The following AAK1 variants were observed in gnomAD, a reference collection of about 807,000 sequenced individuals.
AAK1 encodes the protein AP2-associated protein kinase 1.
AAK1 carries 37 observed loss-of-function variants against 116.0 expected under a neutral mutation model. The ratio of observed to expected loss-of-function variants is 0.32; its 90% confidence interval spans 0.25 to 0.42. AAK1 has a LOEUF of 0.42. Ranked by LOEUF, AAK1 falls within the 10% of genes least tolerant of loss-of-function variation. AAK1 has a pLI of 1.00. For missense variants in AAK1, 919 were observed against 1,170.6 expected, an observed-to-expected ratio of 0.79 and a Z score of 3.14; for synonymous variants, 458 against 439.9, an observed-to-expected ratio of 1.04 and a Z score of -0.51.
intron 2 of AAK1, among the ~76,000 whole-genome samples, chr2:69,627,984 T>G (rs1053826454): frequency 1.3e-5 from 2 of 152,252 alleles, no homozygotes; most frequent in Non-Finnish European, 2.9e-5. Flanking sequence ...CCAATCTAGC[T>G]TTCTGTCATC....
At chr2:69,626,995 A>C (rs1225512648) in intron 2 of AAK1, among the ~76,000 whole-genome samples, 1 of 151,746 alleles carries the variant, frequency 6.6e-6, no homozygotes, top group Non-Finnish European at 1.5e-5. Flanking sequence ...GTCAGACAAG[A>C]TTCTCATGGA....
At chr2:69,527,112 A>G in intron 9 of AAK1, 104 bp downstream of exon 9, 2 of 810,514 alleles carry the variant, frequency 2.5e-6, no homozygotes, top group South Asian at 1.6e-5. Flanking sequence ...CAGTAGATAA[A>G]GCAAGGGACA....
At chr2:69,547,545 T>TA (rs1207116252) in intron 3 of AAK1, among the ~76,000 whole-genome samples, 4 of 151,856 alleles carry the variant, frequency 2.6e-5, no homozygotes, top group East Asian at 1.9e-4. Flanking sequence ...GAAATATAAA[T>TA]AAAAAATCAC....
At chr2:69,559,300 T>A (rs9789500) in intron 2 of AAK1, among the ~76,000 whole-genome samples, 7,067 of 73,584 alleles carry the variant, frequency 0.096, 511 homozygotes, top group East Asian at 0.46. Context: ...ACACACACAC[T>A]CTCTCTCTCC....
At chr2:69,616,817 G>A (rs531518124) in intron 2 of AAK1, among the ~76,000 whole-genome samples, 56 of 152,288 alleles carry the variant, frequency 3.7e-4, no homozygotes, top group African/African-American at 1.3e-3. Context: ...ATACCTACCA[G>A]TGTGACTCAT....
Position 69,470,402 on chromosome 2 carries a change from C to T in AAK1, c.*5467G>A. The T allele has an allele frequency of 1.0e-6, 1 of 985,376 alleles. No homozygotes were observed. The highest frequency in any genetic ancestry group is 6.1e-5 in the Admixed American group (1 of 16,284). The allele number at this position is 985,376 out of a possible 1,614,324, so 61.0% of individuals were successfully genotyped here. Reference sequence around the variant, plus strand: ...ACATCAAACTAATAATTACCATGACCTTCTAGCTCACATAACAAAATTAAG... The same window carrying T: ...ACATCAAACTAATAATTACCATGACTTTCTAGCTCACATAACAAAATTAAG... On this transcript the variant is annotated 3_prime_UTR_variant, in exon 22 of 22. Coordinates refer to ENST00000409085, the MANE Select transcript of AAK1 (RefSeq NM_014911.5).
In AAK1 at chr2:69,472,737, G is replaced by A; in HGVS notation, c.*3132C>T. 1.0e-6 allele frequency: 1 copy of A among 985,354 alleles called. No individual in the cohort carries two copies. The highest frequency in any genetic ancestry group is 1.7e-5 in the African/African-American group (1 of 57,318). The allele number at this position is 985,354 out of a possible 1,614,324, so 61.0% of individuals were successfully genotyped here. ...GAATAAAAGCAAATCAGAAACATAT[G>A]CTTATAGTATTTGCCCGTTTTAAAC... On this transcript the variant is annotated 3_prime_UTR_variant, in exon 22 of 22. Transcript: ENST00000409085.
At chr2:69,601,446 G>A (rs1282786865) in intron 2 of AAK1, among the ~76,000 whole-genome samples, 1 of 152,178 alleles carries the variant, frequency 6.6e-6, no homozygotes, top group Non-Finnish European at 1.5e-5. Context: ...GCATCTTAGA[G>A]GCAAAGACAA....
At position 69,480,948 on chromosome 2, in the gene AAK1, A is replaced by C; in HGVS notation, c.2481T>G (p.Val827=). Residue 827 remains valine, a synonymous_variant, in exon 19 of 22, where the codon GTT becomes GTG. Transcript: ENST00000409085. ...TSDAVIEKAD[V]AVESLIPGLE... is the part of the protein sequence containing the mutation. ...GTCCTGGTATGAGACTCTCAACAGC[A>C]ACATCAGCTTTTTCTTTCGTAACAG... The C allele has an allele frequency of 1.2e-6, 2 of 1,604,536 alleles. No homozygotes were observed. The highest frequency in any genetic ancestry group is 2.3e-5 in the South Asian group (2 of 88,304).
At chr2:69,524,019 T>A (rs10198452) in intron 10 of AAK1, among the ~76,000 whole-genome samples, 21,007 of 152,184 alleles carry the variant, frequency 0.14, 2,081 homozygotes, top group African/African-American at 0.27. Flanking sequence ...CCAAATAACA[T>A]CTTCGTTTAA....
At chr2:69,627,054 G>A (rs779481722) in intron 2 of AAK1, among the ~76,000 whole-genome samples, 207 of 152,110 alleles carry the variant, frequency 1.4e-3, no homozygotes, top group Non-Finnish European at 2.1e-3. Context: ...TTGGGAGGCC[G>A]AGGCGGGTGG....
At chr2:69,623,167 A>G (rs1674737498) in intron 2 of AAK1, among the ~76,000 whole-genome samples, 2 of 152,192 alleles carry the variant, frequency 1.3e-5, no homozygotes. Flanking sequence ...TGAGCTAGCG[A>G]GACCACGAAC....
At chr2:69,551,900 G>C (rs1191157424) in intron 3 of AAK1, among the ~76,000 whole-genome samples, 1 of 152,232 alleles carries the variant, frequency 6.6e-6, no homozygotes, top group Non-Finnish European at 1.5e-5. Flanking sequence ...ACCGCTAACA[G>C]TTCTCTTTGC....
Position 69,460,382 on chromosome 2 carries a change from G to A in AAK1, c.*15487C>T, listed in dbSNP as rs1247984039. 1 of 152,382 alleles carries A rather than the reference G, an allele frequency of 6.6e-6. No homozygotes were observed. Among genetic ancestry groups the A allele is most frequent in the African/African-American group, 2.4e-5 (1 of 41,358 alleles). 9.4% of individuals were successfully genotyped at this position (152,382 alleles called of 1,614,324 possible). On this transcript the variant is annotated 3_prime_UTR_variant, in exon 22 of 22. Coordinates refer to ENST00000409085, the MANE Select transcript of AAK1 (RefSeq NM_014911.5). ...TATGTTTTGATTATTTTTCTTTATG[G>A]AAGCAAATACAGAATTTCCTTGTCA...
chr2:69,607,223 T>G (rs1673847608), intron 2 of AAK1, among the ~76,000 whole-genome samples: 2 of 150,622 alleles, frequency 1.3e-5, no homozygotes, highest in South Asian at 2.1e-4. Flanking sequence ...GTGAAGGAGG[T>G]GAGTGGGCAG....
At chr2:69,485,642 A>T (rs1442662987) in intron 17 of AAK1, among the ~76,000 whole-genome samples, 1 of 151,872 alleles carries the variant, frequency 6.6e-6, no homozygotes, top group African/African-American at 2.4e-5. Context: ...AAAGAACAGG[A>T]ATTGAAGAAA....
intron 2 of AAK1, among the ~76,000 whole-genome samples, chr2:69,601,888 G>T (rs757605483): frequency 2.0e-5 from 3 of 152,178 alleles, no homozygotes; most frequent in Non-Finnish European, 4.4e-5. Flanking sequence ...ATTACAAAGT[G>T]AAAAATAGTA....
chr2:69,486,377 G>T (rs570882161), intron 17 of AAK1, among the ~76,000 whole-genome samples: 2 of 152,146 alleles, frequency 1.3e-5, no homozygotes, highest in Non-Finnish European at 1.5e-5. Context: ...CCTGATTTAG[G>T]GGGGCTTATT....
At chr2:69,601,908 TG>T (rs1160025698) in intron 2 of AAK1, among the ~76,000 whole-genome samples, 1 of 152,186 alleles carries the variant, frequency 6.6e-6, no homozygotes, top group African/African-American at 2.4e-5. Flanking sequence ...AACTTAACAG[TG>T]GAGAAGCCTG....
Sources: allele counts gnomAD v4.1 joint callset (sites outside exome capture counted in the v4.1 genomes callset), GRCh38; gene constraint gnomAD v4.1.1; transcripts MANE v1.5; gene names NCBI Gene and HGNC (gene_info 2026-07-23, HGNC 2026-07-21).